PPP1R9B: variants seen among roughly 807,000 people sequenced by gnomAD.
PPP1R9B encodes the protein neurabin-2.
PPP1R9B carries 17 observed loss-of-function variants against 75.8 expected under a neutral mutation model. That is an observed-to-expected ratio of 0.22 (90% CI 0.15 to 0.34). PPP1R9B has a LOEUF of 0.34. Ranked by LOEUF, PPP1R9B falls within the 10% of genes least tolerant of loss-of-function variation. The pLI is 1.00. For synonymous variants in PPP1R9B, 509 were observed against 535.4 expected (o/e 0.95, Z 0.68); for missense variants, 875 against 1,196.0 (o/e 0.73, Z 3.96).
intron 2 of PPP1R9B, among the ~76,000 whole-genome samples, chr17:50,144,642 C>T (rs1051319731): frequency 1.3e-5 from 2 of 152,200 alleles, no homozygotes; most frequent in Non-Finnish European, 2.9e-5. Flanking sequence ...CTTCACTTCC[C>T]TGGAGAATGC....
chr17:50,137,338 A>G (rs1016730269), intron 7 of PPP1R9B: 11 of 152,462 alleles, frequency 7.2e-5, no homozygotes, highest in African/African-American at 2.7e-4. Context: ...TGGTTTGCAG[A>G]TGCACAAGAA....
chr17:50,150,446 T>TAGGCGCTGCGGTGCGGGG lies in PPP1R9B; in HGVS notation c.50_67dup (p.Ser17_Ala22dup). The TAGGCGCTGCGGTGCGGGG allele has an allele frequency of 1.4e-6, 2 of 1,388,976 alleles. No homozygotes were observed. The highest frequency in any genetic ancestry group is 1.9e-6 in the Non-Finnish European group (2 of 1,066,434). The allele number at this position is 1,388,976 out of a possible 1,614,324, so 86.0% of individuals were successfully genotyped here. A position where few individuals can be genotyped will look rare whatever the true frequency, so the allele number is the denominator to read the frequency against. On this transcript the variant is annotated inframe_insertion, in exon 1 of 10. Transcript: ENST00000612501. The surrounding 1 kb of genome is among the most constrained non-coding windows in gnomAD (Gnocchi z 8.7). The stretch of plus-strand genomic sequence containing the variant: ...CTTCAGCGCCTGGATGCCCGCCTCG[T>TAGGCGCTGCGGTGCGGGG]AGGCGCTGCGGTGCGGGGAGGCGCT...
intron 2 of PPP1R9B, among the ~76,000 whole-genome samples, chr17:50,144,650 T>C (rs1912469196): frequency 6.6e-6 from 1 of 152,176 alleles, no homozygotes; most frequent in South Asian, 2.1e-4. Context: ...CCCTGGAGAA[T>C]GCCCCCAAGC....
chr17:50,149,800 C>G lies in PPP1R9B; in HGVS notation c.714G>C (p.Gln238His), dbSNP rs1016128124. 2.1e-6 allele frequency: 3 copies of G among 1,418,648 alleles called. No homozygotes were observed. Among genetic ancestry groups the G allele is most frequent in the Non-Finnish European group, 2.7e-6 (3 of 1,093,614 alleles). The allele number at this position is 1,418,648 out of a possible 1,614,324, so 87.9% of individuals were successfully genotyped here. A position where few individuals can be genotyped will look rare whatever the true frequency, so the allele number is the denominator to read the frequency against. Reference sequence around the variant, plus strand: ...GCTTGCTGACCAGCTTCGAGTTGACCTGGGGAACCCCTGCGGCCCTGGGGA... The same window carrying G: ...GCTTGCTGACCAGCTTCGAGTTGACGTGGGGAACCCCTGCGGCCCTGGGGA... The part of the protein sequence containing the change: ...PGLPRAAGVP[Q>H]VNSKLVSKRS... The change falls in exon 1 of 10, where the codon CAG (glutamine) becomes CAC (histidine). Residue 238 changes from glutamine to histidine, a missense_variant. Physicochemically the swap from Gln to His is conservative, Grantham distance 24. Coordinates refer to ENST00000612501, the MANE Select transcript of PPP1R9B (RefSeq NM_032595.5). The surrounding 1 kb of genome is among the most constrained non-coding windows in gnomAD (Gnocchi z 7.2).
chr17:50,138,039 T>C (rs148202673), intron 7 of PPP1R9B, among the ~76,000 whole-genome samples: 89 of 152,328 alleles, frequency 5.8e-4, no homozygotes, highest in African/African-American at 1.9e-3. Flanking sequence ...GGGACTCCTA[T>C]AGTCTAGGTC....
chr17:50,148,009 G>A (rs1044196375), intron 1 of PPP1R9B, among the ~76,000 whole-genome samples: 4 of 152,190 alleles, frequency 2.6e-5, no homozygotes, highest in Admixed American at 2.0e-4. Context: ...CCAGGGACCT[G>A]GACACTTCCA....
intron 3 of PPP1R9B, among the ~76,000 whole-genome samples, chr17:50,141,721 G>C (rs928583280): frequency 6.6e-6 from 1 of 151,144 alleles, no homozygotes; most frequent in African/African-American, 2.4e-5. Flanking sequence ...AAACCTCACA[G>C]ATACTTTGTC....
Position 50,150,490 on chromosome 17 carries a change from C to T in PPP1R9B, c.24G>A (p.Gly8=), listed in dbSNP as rs1261932659. Residue 8 remains glycine (G), a synonymous_variant, in exon 1 of 10, where the codon GGG becomes GGA. Coordinates refer to ENST00000612501, the MANE Select transcript of PPP1R9B (RefSeq NM_032595.5). This position sits in a 1 kb window ranked among gnomAD's most constrained non-coding sequence, Gnocchi z 8.7. MMKTEPR[G]PGGPLRSASP... Reference sequence around the variant, plus strand: ...AGGCGCTCCGGAGGGGACCCCCGGGCCCCCGTGGCTCCGTCTTCATCATGG... The same window carrying T: ...AGGCGCTCCGGAGGGGACCCCCGGGTCCCCGTGGCTCCGTCTTCATCATGG... 1.1e-5 allele frequency: 15 copies of T among 1,359,940 alleles called. No individual in the cohort carries two copies. In the Admixed American group the frequency reaches 4.8e-4, roughly 44 times the overall value. 84.2% of individuals were successfully genotyped at this position (1,359,940 alleles called of 1,614,324 possible).
intron 9 of PPP1R9B, 70 bp from the exon 10 acceptor site, chr17:50,135,454 G>T: frequency 1.3e-6 from 2 of 1,577,102 alleles, no homozygotes; most frequent in South Asian, 2.2e-5. Flanking sequence ...TCCGCCCCCC[G>T]GTGAGGACAT....
Position 50,150,665 on chromosome 17 carries a change from G to C in PPP1R9B, c.-152C>G, listed in dbSNP as rs555698768. ...CCCCAAAACCAAGCTGCCAAAAACA[G>C]TTAATCCCGCTTTAAAAAAAAAAAT... On this transcript the variant is annotated 5_prime_UTR_variant, in exon 1 of 10. Transcript: ENST00000612501. This position sits in a 1 kb window ranked among gnomAD's most constrained non-coding sequence, Gnocchi z 8.7. 5.1e-6 allele frequency: 3 copies of C among 583,568 alleles called. No individual in the cohort carries two copies. Among genetic ancestry groups the C allele is most frequent in the African/African-American group, 2.1e-5 (1 of 48,520 alleles). 36.1% of individuals were successfully genotyped at this position (583,568 alleles called of 1,614,324 possible).
At chr17:50,145,022 C>A (rs1912479217) in intron 2 of PPP1R9B, 91 bp downstream of exon 2, 1 of 1,482,278 alleles carries the variant, frequency 6.7e-7, no homozygotes, top group African/African-American at 1.4e-5. Context: ...CTGTGGGAGC[C>A]CCTGAGGGCA....
In PPP1R9B at chr17:50,149,565, C is replaced by T. The variant is rs1186696354; in HGVS notation, c.949G>A (p.Glu317Lys). The T allele has an allele frequency of 1.3e-6, 2 of 1,584,018 alleles. No individual in the cohort carries two copies. Among genetic ancestry groups the T allele is most frequent in the Non-Finnish European group, 1.7e-6 (2 of 1,168,532 alleles). Reference protein sequence around the residue: ...GESEAESAPGEVIQAEVTVHA... With the variant: ...GESEAESAPGKVIQAEVTVHA... Reference sequence around the variant, plus strand: ...ACCGTAACCTCGGCCTGGATCACCTCCCCGGGCGCCGACTCGGCCTCCGAC... The same window carrying T: ...ACCGTAACCTCGGCCTGGATCACCTTCCCGGGCGCCGACTCGGCCTCCGAC... The change falls in exon 1 of 10, where the codon GAG becomes AAG. Residue 317 changes from glutamate (E) to lysine (K), a missense_variant. This residue lies in a region of PPP1R9B where 449 missense variants were observed against 475.0 expected (regional missense o/e 0.95). Transcript: ENST00000612501. This position sits in a 1 kb window ranked among gnomAD's most constrained non-coding sequence, Gnocchi z 7.2.
At chr17:50,147,651 T>C (rs943639094) in intron 1 of PPP1R9B, among the ~76,000 whole-genome samples, 1 of 145,550 alleles carries the variant, frequency 6.9e-6, no homozygotes, top group African/African-American at 2.5e-5. Flanking sequence ...GCAAAATTAG[T>C]GGGGGTGGGG....
In PPP1R9B at chr17:50,139,461, C is replaced by T; in HGVS notation, c.1987G>A (p.Glu663Lys). The change falls in exon 6 of 10, where the codon GAG (glutamate) becomes AAG (lysine). Residue 663 changes from glutamate (E) to lysine (K), a missense_variant. Glu to Lys is a moderately conservative substitution (Grantham distance 56). Transcript: ENST00000612501. This position sits in a 1 kb window ranked among gnomAD's most constrained non-coding sequence, Gnocchi z 5.0. Reference protein sequence around the residue: ...NEDALSPVDMEPEKLVHKFKE... With the variant: ...NEDALSPVDMKPEKLVHKFKE... ...AACTTGTGCACCAGCTTCTCGGGCT[C>T]CATGTCCACAGGGGACAGTGCATCC... 6.2e-7 allele frequency: 1 copy of T among 1,604,412 alleles called. No individual in the cohort carries two copies. Among genetic ancestry groups the T allele is most frequent in the Non-Finnish European group, 8.5e-7 (1 of 1,173,294 alleles).
chr17:50,150,057 G>C lies in PPP1R9B; in HGVS notation c.457C>G (p.Arg153Gly). The C allele has an allele frequency of 1.4e-6, 2 of 1,459,948 alleles. No individual in the cohort carries two copies. The highest frequency in any genetic ancestry group is 1.8e-6 in the Non-Finnish European group (2 of 1,114,760). The allele number at this position is 1,459,948 out of a possible 1,614,324, so 90.4% of individuals were successfully genotyped here. A position where few individuals can be genotyped will look rare whatever the true frequency, so the allele number is the denominator to read the frequency against. ...RLQETRKLFERSAPAAAGGDK... is the reference protein window; with the variant it reads ...RLQETRKLFEGSAPAAAGGDK... ...CCGCCTGCGGCCGCTGGGGCGCTCC[G>C]TTCGAACAGCTTCCGCGTCTCCTGC... The change falls in exon 1 of 10, where the codon CGG becomes GGG. Residue 153 changes from arginine to glycine, a missense_variant. Around this residue, in one of 4 missense-constraint regions of PPP1R9B, gnomAD observed 449 missense variants for 475.0 expected, o/e 0.95. Coordinates refer to ENST00000612501, the MANE Select transcript of PPP1R9B (RefSeq NM_032595.5). This position sits in a 1 kb window ranked among gnomAD's most constrained non-coding sequence, Gnocchi z 8.7.
Position 50,140,131 on chromosome 17 carries a change from C to G in PPP1R9B, c.1828G>C (p.Glu610Gln). ...EQERWQREMMEQRYAQYGEDD... is the reference protein window; with the variant it reads ...EQERWQREMMQQRYAQYGEDD... ...TCCCCATACTGGGCGTATCTCTGCT[C>G]CATCATCTCCCGCTGCCATCGCTCC... The change falls in exon 5 of 10, where the codon GAG becomes CAG. Residue 610 changes from glutamate (E) to glutamine (Q), a missense_variant. Coordinates refer to ENST00000612501, the MANE Select transcript of PPP1R9B (RefSeq NM_032595.5). The G allele has an allele frequency of 6.2e-7, 1 of 1,613,484 alleles. No homozygotes were observed. Among genetic ancestry groups the G allele is most frequent in the Non-Finnish European group, 8.5e-7 (1 of 1,179,730 alleles).
chr17:50,147,020 G>A (rs1360883136), intron 1 of PPP1R9B, among the ~76,000 whole-genome samples: 4 of 152,268 alleles, frequency 2.6e-5, no homozygotes, highest in African/African-American at 7.2e-5. Context: ...CTGAGTCAAC[G>A]AAACCCCTCC....
At chr17:50,144,035 T>G (rs895471312) in intron 2 of PPP1R9B, among the ~76,000 whole-genome samples, 1 of 151,728 alleles carries the variant, frequency 6.6e-6, no homozygotes, top group Non-Finnish European at 1.5e-5. Flanking sequence ...AGGATGGGGG[T>G]AGCCAGGATG....
chr17:50,135,709 G>A (rs1598243833), intron 8 of PPP1R9B, 60 bp from the exon 9 acceptor site: 1 of 1,429,442 alleles, frequency 7.0e-7, no homozygotes. Context: ...TTCATCCAGG[G>A]TGACCCAGGT....
Sources: allele counts gnomAD v4.1 joint callset (sites outside exome capture counted in the v4.1 genomes callset), GRCh38; gene constraint gnomAD v4.1.1; regional missense constraint gnomAD v4.1.1; non-coding constraint Gnocchi (gnomAD v3.1); transcripts MANE v1.5; gene names NCBI Gene and HGNC (gene_info 2026-07-23, HGNC 2026-07-21).